Variants in BZW2 observed in about 807,000 individuals in gnomAD.
BZW2 encodes basic leucine zipper and W2 domains 2.
BZW2 carries 23 observed loss-of-function variants against 53.2 expected under a neutral mutation model. The ratio of observed to expected loss-of-function variants is 0.43; its 90% CI spans 0.31 to 0.61. The LOEUF (loss-of-function observed/expected upper bound fraction) is 0.61. Among genes scored for constraint, BZW2 ranks in the 20% least tolerant of loss-of-function variants. BZW2 has a pLI of 0.09. For missense variants in BZW2, 409 were observed against 503.1 expected, an observed-to-expected ratio of 0.81 and a Z score of 1.79; for synonymous variants, 227 against 186.4, an observed-to-expected ratio of 1.22 and a Z score of -1.77.
chr7:16,694,856 A>T lies in BZW2; in HGVS notation c.674A>T (p.Gln225Leu). The T allele has an allele frequency of 6.5e-7, 1 of 1,531,592 alleles. No individual in the cohort carries two copies. The highest frequency in any genetic ancestry group is 8.9e-7 in the Non-Finnish European group (1 of 1,120,758). The allele number at this position is 1,531,592 out of a possible 1,614,324, so 94.9% of individuals were successfully genotyped here. ...CAGGAACTCTTTCCAGTTAACAGAC[A>T]GAGTGTGGATCATTTTGCTAAATAC... is the stretch of plus-strand genomic sequence containing the variant. ...RLLELFPVNR[Q>L]SVDHFAKYFT... The change falls in exon 8 of 12, where the codon CAG becomes CTG. Residue 225 changes from glutamine to leucine, a missense_variant. This residue lies in a region of BZW2 where 316 missense variants were observed against 366.8 expected (regional missense o/e 0.86). Transcript: ENST00000258761.
Position 16,684,402 on chromosome 7 carries a change from A to G in BZW2, c.406-1503A>G, listed in dbSNP as rs987599572. On this transcript the variant is annotated intron_variant, in intron 5 of 11. Coordinates refer to ENST00000258761, the MANE Select transcript of BZW2 (RefSeq NM_014038.3). ...TTAGCATATAATGCAGTAAAAAACA[A>G]TATGTGTGTATACATGTAATTATGT... Among the ~76,000 whole-genome samples the G allele has an allele frequency of 2.6e-5, 4 of 152,376 alleles. No homozygotes were observed. In the East Asian group the frequency reaches 5.8e-4, roughly 22 times the overall value.
chr7:16,692,788 T>C (rs1783352991), intron 7 of BZW2, among the ~76,000 whole-genome samples: 2 of 151,980 alleles, frequency 1.3e-5, no homozygotes, highest in Non-Finnish European at 2.9e-5. Context: ...CAAAATTAAG[T>C]AGGAAAGAGT....
chr7:16,678,087 CT>C (rs71007780), intron 3 of BZW2, among the ~76,000 whole-genome samples: 448 of 66,912 alleles, frequency 6.7e-3, no homozygotes, highest in South Asian at 0.03. Flanking sequence ...TTCCATTGTT[CT>C]TTTTTTTTTT....
At chr7:16,649,827 CAGAA>C (rs1195150996) in intron 1 of BZW2, among the ~76,000 whole-genome samples, 3 of 152,192 alleles carry the variant, frequency 2.0e-5, no homozygotes, top group East Asian at 3.9e-4. Context: ...AATTCTGTGA[CAGAA>C]AGGAAGAGAG....
At chr7:16,701,318 G>A (rs1783660338) in intron 10 of BZW2, among the ~76,000 whole-genome samples, 1 of 152,092 alleles carries the variant, frequency 6.6e-6, no homozygotes, top group African/African-American at 2.4e-5. Context: ...GGTCTAAAAT[G>A]TGTAAAACTA....
chr7:16,660,533 A>G (rs1782227524), intron 1 of BZW2, among the ~76,000 whole-genome samples: 1 of 152,016 alleles, frequency 6.6e-6, no homozygotes, highest in African/African-American at 2.4e-5. Context: ...ATTTGTGCAG[A>G]CTACTCTTCG....
At chr7:16,693,434 C>A (rs1480615833) in intron 7 of BZW2, among the ~76,000 whole-genome samples, 1 of 152,160 alleles carries the variant, frequency 6.6e-6, no homozygotes, top group African/African-American at 2.4e-5. Flanking sequence ...AACTTTAAAT[C>A]AAACTTTGCA....
chr7:16,662,187 A>C (rs1393016352), intron 1 of BZW2: 1 of 152,148 alleles, frequency 6.6e-6, no homozygotes, highest in African/African-American at 2.4e-5. Flanking sequence ...TGCTCCAAAT[A>C]GTAACAGCTA....
intron 10 of BZW2, 67 bp downstream of exon 10, chr7:16,698,253 C>A (rs1214605022): frequency 6.3e-7 from 1 of 1,588,840 alleles, no homozygotes; most frequent in African/African-American, 1.3e-5. Flanking sequence ...GCAGAGCAGG[C>A]AATGAGGCAG....
intron 7 of BZW2, among the ~76,000 whole-genome samples, chr7:16,693,392 T>C (rs1206755730): frequency 2.0e-5 from 3 of 152,278 alleles, no homozygotes; most frequent in African/African-American, 7.2e-5. Context: ...GAACTACGAG[T>C]GATATGTTTA....
chr7:16,646,437 C>G (rs1014131843), intron 1 of BZW2, 149 bp downstream of exon 1: 1 of 160,784 alleles, frequency 6.2e-6, no homozygotes, highest in African/African-American at 2.4e-5. Context: ...TGGAGAAGCC[C>G]CCGCTCCACC....
intron 7 of BZW2, among the ~76,000 whole-genome samples, chr7:16,691,553 G>GAACT (rs1783305924): frequency 6.6e-6 from 1 of 152,186 alleles, no homozygotes; most frequent in Admixed American, 6.5e-5. Flanking sequence ...CACAGAGACT[G>GAACT]AACTGAACGT....
intron 3 of BZW2, among the ~76,000 whole-genome samples, chr7:16,675,497 A>T (rs1243255572): frequency 2.0e-5 from 3 of 152,198 alleles, no homozygotes; most frequent in East Asian, 3.8e-4. Context: ...GAATGTGCAT[A>T]CATTCCTCCA....
intron 2 of BZW2, among the ~76,000 whole-genome samples, chr7:16,666,024 TA>T (rs1176285378): frequency 6.6e-6 from 1 of 152,172 alleles, no homozygotes; most frequent in African/African-American, 2.4e-5. Context: ...TGATGACTGG[TA>T]AAATTTCTAT....
chr7:16,701,452 G>A (rs1319587361), intron 10 of BZW2, among the ~76,000 whole-genome samples: 3 of 151,976 alleles, frequency 2.0e-5, no homozygotes, highest in African/African-American at 7.3e-5. Context: ...TCTAAAAAAG[G>A]GTGAGTGCCC....
rs1187493820 is a variant in BZW2, at chr7:16,668,169, G to A, written c.58+2668G>A. On this transcript the variant is annotated intron_variant, in intron 2 of 11. Transcript: ENST00000258761. ...TCTCAGAGCTGGATCTCCACCTCAAGCATCTTTATTAGTGTGACGCTAATT... is the reference window on the plus strand; with the variant it reads ...TCTCAGAGCTGGATCTCCACCTCAAACATCTTTATTAGTGTGACGCTAATT... 2.0e-5 allele frequency among the ~76,000 whole-genome samples: 3 copies of A among 152,156 alleles called. No homozygotes were observed. The East Asian group carries it at 5.8e-4, about 29-fold the overall frequency.
In BZW2 at chr7:16,667,304, A is replaced by C. The variant is rs377640495; in HGVS notation, c.58+1803A>C. ...CAAAAAAAAAAAAACAAAAAAAAAA[A>C]CGCTGAACTGGAACTCAATAGGGAA... On this transcript the variant is annotated intron_variant, in intron 2 of 11. Transcript: ENST00000258761. 1.4e-3 allele frequency among the ~76,000 whole-genome samples: 210 copies of C among 152,018 alleles called. 2 individuals carry two copies. Among genetic ancestry groups the C allele is most frequent in the African/African-American group, 4.7e-3 (194 of 41,488 alleles).
Position 16,706,172 on chromosome 7 carries a change from C to T in BZW2, c.*84C>T. 1 of 1,465,854 alleles carries T rather than the reference C, an allele frequency of 6.8e-7. No individual in the cohort carries two copies. Among genetic ancestry groups the T allele is most frequent in the Non-Finnish European group, 9.4e-7 (1 of 1,065,992 alleles). The allele number at this position is 1,465,854 out of a possible 1,614,324, so 90.8% of individuals were successfully genotyped here. The stretch of plus-strand genomic sequence containing the variant: ...GAACCATTTGAGAAGAGAAACTTGG[C>T]TTCTGTTTTCGCAAAGGAAAAAAAA... On this transcript the variant is annotated 3_prime_UTR_variant, in exon 12 of 12. Coordinates refer to ENST00000258761, the MANE Select transcript of BZW2 (RefSeq NM_014038.3).
At chr7:16,656,671 C>G (rs528389003) in intron 1 of BZW2, among the ~76,000 whole-genome samples, 3 of 152,034 alleles carry the variant, frequency 2.0e-5, no homozygotes, top group African/African-American at 7.2e-5. Context: ...TGGTGATTTT[C>G]TAATTCAATG....
Sources: gnomAD v4.1 joint callset for allele counts (sites outside exome capture counted in the v4.1 genomes callset) on GRCh38, gnomAD v4.1.1 for gene constraint, gnomAD v4.1.1 regional missense constraint, MANE v1.5 for transcripts, NCBI Gene and HGNC (gene_info 2026-07-23, HGNC 2026-07-21) for gene names.